The following DNAH7 variants were observed in gnomAD, a reference collection of about 807,000 sequenced individuals.
DNAH7 encodes the protein axonemal beta dynein heavy chain 7.
In DNAH7, 397 loss-of-function variants were observed where a neutral mutation model predicts 444.6. The observed-to-expected ratio is 0.89, with a 90% CI of 0.82 to 0.97. DNAH7 has a LOEUF of 0.97. Among genes scored for constraint, DNAH7 ranks in the 50% least tolerant of loss-of-function variants. DNAH7 has a pLI of 0.00. For synonymous variants in DNAH7, 1,636 were observed against 1,624.4 expected (o/e 1.01, Z -0.17); for missense variants, 4,902 against 4,800.8 (o/e 1.02, Z -0.62).
chr2:195,994,714 T>C (rs1693579744), intron 12 of DNAH7: 2 of 492,442 alleles, frequency 4.1e-6, no homozygotes, highest in Admixed American at 4.9e-5. Context: ...CATTTGGTCT[T>C]TAAGACCACT....
chr2:195,995,327 C>T, intron 12 of DNAH7: 2 of 513,336 alleles, frequency 3.9e-6, no homozygotes, highest in South Asian at 2.9e-5. Context: ...TGTTCAAATC[C>T]AAGACCCCAT....
In DNAH7 at chr2:195,756,168, C is replaced by G; in HGVS notation, c.11551G>C (p.Val3851Leu). ...TTTAGTCTTGCAAGGAAGTCATTCA[C>G]ATAGCTGCCAAGTGGTTTAAGGCTT... ...YPSLKPLGSY[V>L]NDFLARLKFL... Residue 3851 changes from valine to leucine, a missense_variant, in exon 62 of 65, where the codon GTG becomes CTG. Val to Leu is a conservative substitution (Grantham distance 32, BLOSUM62 1). Transcript: ENST00000312428. 1 of 1,608,696 alleles carries G rather than the reference C, an allele frequency of 6.2e-7. No individual in the cohort carries two copies. Among genetic ancestry groups the G allele is most frequent in the Non-Finnish European group, 8.5e-7 (1 of 1,176,566 alleles).
rs769474761 is a variant in DNAH7 at position 195,875,721 on chromosome 2, C to A, written c.6240G>T (p.Met2080Ile). ...WNWYDLKDCS[M>I]IKLVDIQIMC... is the part of the protein sequence containing the mutation. Reference sequence around the variant, plus strand: ...TGATCTGAATGTCCACTAGTTTAATCATGGAACAATCTTTTAGATCATACC... The same window carrying A: ...TGATCTGAATGTCCACTAGTTTAATAATGGAACAATCTTTTAGATCATACC... The change falls in exon 38 of 65, where the codon ATG (methionine) becomes ATT (isoleucine). Residue 2080 changes from methionine to isoleucine, a missense_variant. By Grantham distance (10) the Met-to-Ile change is conservative (BLOSUM62 1). Coordinates refer to ENST00000312428, the MANE Select transcript of DNAH7 (RefSeq NM_018897.3). 2 of 1,610,018 alleles carry A rather than the reference C, an allele frequency of 1.2e-6. No homozygotes were observed. Among genetic ancestry groups the A allele is most frequent in the Non-Finnish European group, 1.7e-6 (2 of 1,178,654 alleles).
chr2:195,853,389 G>A lies in DNAH7; in HGVS notation c.8735C>T (p.Ser2912Phe), dbSNP rs1699504363. 1 of 1,613,944 alleles carries A rather than the reference G, an allele frequency of 6.2e-7. No individual in the cohort carries two copies. Among genetic ancestry groups the A allele is most frequent in the Admixed American group, 1.7e-5 (1 of 59,996 alleles). ...INLTGDILISSGVVAYLGAFT... is the reference protein window; with the variant it reads ...INLTGDILISFGVVAYLGAFT... ...GGCTCCGAGGTAAGCAACCACTCCG[G>A]AGGAAATGAGGATATCCCCAGTCAA... Residue 2912 changes from serine (S) to phenylalanine (F), a missense_variant, in exon 46 of 65, where the codon TCC becomes TTC. Coordinates refer to ENST00000312428, the MANE Select transcript of DNAH7 (RefSeq NM_018897.3).
chr2:195,962,238 GGT>G (rs1210872752), intron 17 of DNAH7, among the ~76,000 whole-genome samples: 1 of 152,142 alleles, frequency 6.6e-6, no homozygotes, highest in Non-Finnish European at 1.5e-5. Flanking sequence ...ATATACTTAT[GGT>G]GTACATGAGA....
chr2:195,744,131 C>G (rs1317781035), intron 63 of DNAH7, among the ~76,000 whole-genome samples: 2 of 152,222 alleles, frequency 1.3e-5, no homozygotes, highest in Non-Finnish European at 2.9e-5. Flanking sequence ...GTGACAGACA[C>G]CACCTGGAAA....
intron 61 of DNAH7, among the ~76,000 whole-genome samples, chr2:195,767,615 CTTGT>C (rs1694646720): frequency 1.3e-5 from 2 of 151,768 alleles, no homozygotes; most frequent in African/African-American, 2.4e-5. Context: ...TTCAATCTTT[CTTGT>C]TTAATAATTA....
intron 53 of DNAH7, among the ~76,000 whole-genome samples, chr2:195,808,154 T>C (rs1214772079): frequency 6.6e-6 from 1 of 152,052 alleles, no homozygotes; most frequent in African/African-American, 2.4e-5. Flanking sequence ...TAAAGAAAAA[T>C]TGAGAGAAAG....
intron 62 of DNAH7, among the ~76,000 whole-genome samples, chr2:195,755,839 C>T (rs553689922): frequency 2.0e-5 from 3 of 152,172 alleles, no homozygotes; most frequent in South Asian, 2.1e-4. Context: ...TATAATACCC[C>T]TCACTGGAAG....
chr2:196,059,379 GATA>G (rs1698010431), intron 1 of DNAH7, among the ~76,000 whole-genome samples: 1 of 152,212 alleles, frequency 6.6e-6, no homozygotes, highest in Non-Finnish European at 1.5e-5. Flanking sequence ...CTATAAAGCA[GATA>G]ATATGAGTTG....
chr2:195,873,784 A>C, intron 38 of DNAH7, 90 bp from the exon 39 acceptor site: 1 of 975,252 alleles, frequency 1.0e-6, no homozygotes, highest in African/African-American at 1.7e-5. Context: ...GTAACTTGAA[A>C]GATGGACAAA....
intron 28 of DNAH7, 28 bp from the exon 29 acceptor site, chr2:195,897,793 G>T: frequency 7.6e-7 from 1 of 1,312,254 alleles, no homozygotes; most frequent in South Asian, 1.3e-5. Context: ...AACTCATGAG[G>T]ATATCTGCAT....
chr2:195,934,538 T>A (rs1290514631), intron 21 of DNAH7, 53 bp downstream of exon 21: 1 of 1,542,124 alleles, frequency 6.5e-7, no homozygotes, highest in Non-Finnish European at 8.9e-7. Flanking sequence ...ATATTTCTAA[T>A]AACATTCATA....
chr2:195,815,485 G>A (rs956269602), intron 51 of DNAH7, among the ~76,000 whole-genome samples: 2 of 152,070 alleles, frequency 1.3e-5, no homozygotes, highest in Non-Finnish European at 2.9e-5. Context: ...CCTCTACTAT[G>A]ATAAAGGAAT....
intron 63 of DNAH7, among the ~76,000 whole-genome samples, chr2:195,741,536 G>GT (rs1693032781): frequency 1.3e-5 from 2 of 152,198 alleles, no homozygotes; most frequent in African/African-American, 4.8e-5. Context: ...AAAACTGATT[G>GT]TAACAGTACA....
intron 23 of DNAH7, among the ~76,000 whole-genome samples, chr2:195,922,642 C>T (rs186573573): frequency 3.9e-5 from 6 of 152,240 alleles, no homozygotes; most frequent in Admixed American, 2.0e-4. Context: ...CTAGTTCTCA[C>T]TTCTTCTCTC....
intron 12 of DNAH7, among the ~76,000 whole-genome samples, chr2:195,997,530 T>C (rs1693772788): frequency 6.6e-6 from 1 of 152,164 alleles, no homozygotes; most frequent in East Asian, 1.9e-4. Context: ...TTGATATGAA[T>C]TTAATCATCT....
intron 19 of DNAH7, among the ~76,000 whole-genome samples, chr2:195,950,192 T>C (rs1214793958): frequency 6.6e-6 from 1 of 152,184 alleles, no homozygotes; most frequent in Non-Finnish European, 1.5e-5. Context: ...CAGCTCCTCT[T>C]TGCACTCCTC....
At chr2:196,028,077 A>G (rs924163996) in intron 5 of DNAH7, 30 bp from the exon 6 acceptor site, 1 of 1,579,958 alleles carries the variant, frequency 6.3e-7, no homozygotes, top group Non-Finnish European at 8.7e-7. Context: ...ACTATTCAAA[A>G]GTAGATAAGG....
Sources: allele counts gnomAD v4.1 joint callset (sites outside exome capture counted in the v4.1 genomes callset), GRCh38; gene constraint gnomAD v4.1.1; transcripts MANE v1.5; gene names NCBI Gene and HGNC (gene_info 2026-07-23, HGNC 2026-07-21).